Variants in SGTA observed in about 807,000 individuals in gnomAD.
The protein encoded by SGTA is small glutamine rich tetratricopeptide repeat co-chaperone alpha, also known as small glutamine-rich tetratricopeptide repeat-containing protein alpha.
SGTA carries 22 observed loss-of-function variants against 44.3 expected under a neutral mutation model. The ratio of observed to expected loss-of-function variants is 0.50; its 90% CI spans 0.36 to 0.71. The LOEUF is 0.71. SGTA is among the 30% of genes least tolerant of loss of function. The probability of loss-of-function intolerance (pLI) is 0.00; values close to 1 mark genes in which losing one functional copy is unlikely to be tolerated. For missense variants in SGTA, 341 were observed against 435.9 expected (o/e 0.78, Z 1.94); for synonymous variants, 174 against 177.6 (o/e 0.98, Z 0.16).
In SGTA at chr19:2,765,678, T is replaced by C. The variant is rs548761458; in HGVS notation, c.293-393A>G. Among the ~76,000 whole-genome samples, 1 of 152,266 alleles carries C rather than the reference T, an allele frequency of 6.6e-6. No individual in the cohort carries two copies. Among genetic ancestry groups the C allele is most frequent in the Admixed American group, 6.5e-5 (1 of 15,300 alleles). On this transcript the variant is annotated intron_variant, in intron 4 of 11. Coordinates refer to ENST00000221566, the MANE Select transcript of SGTA (RefSeq NM_003021.4). This position sits in a 1 kb window ranked among gnomAD's most constrained non-coding sequence, Gnocchi z 5.5. ...AAAGAGCCCAAGTGGAGGCCTGTAT[T>C]TTGGAATACTCATGTGATACCTTCT...
At chr19:2,762,998 C>A (rs1293401046) in intron 6 of SGTA, among the ~76,000 whole-genome samples, 1 of 152,174 alleles carries the variant, frequency 6.6e-6, no homozygotes, top group Non-Finnish European at 1.5e-5. Flanking sequence ...CACCAAGGAC[C>A]CTCGGAACCT....
intron 5 of SGTA, among the ~76,000 whole-genome samples, chr19:2,764,606 C>T (rs1041884736): frequency 2.6e-5 from 4 of 151,298 alleles, no homozygotes; most frequent in African/African-American, 7.3e-5. Flanking sequence ...ACAGAGTCTC[C>T]CTGTCACCCA....
Position 2,768,991 on chromosome 19 carries a change from G to A in SGTA, c.78C>T (p.Ser26=), listed in dbSNP as rs569712635. The change falls in exon 2 of 12, where the codon TCC becomes TCT. Residue 26 remains serine (S), a synonymous_variant. Coordinates refer to ENST00000221566, the MANE Select transcript of SGTA (RefSeq NM_003021.4). ...TACCTTCCAAGCTCTCCTGAGCATCGGACGAGAGGCCCCCGTGCCGGAGCT... is the reference window on the plus strand; with the variant it reads ...TACCTTCCAAGCTCTCCTGAGCATCAGACGAGAGGCCCCCGTGCCGGAGCT... ...HDQLRHGGLS[S]DAQESLEVAI... is the part of the protein sequence containing the mutation. 2.5e-5 allele frequency: 40 copies of A among 1,613,738 alleles called. No individual in the cohort carries two copies. In the East Asian group the frequency reaches 2.9e-4, roughly 12 times the overall value.
intron 1 of SGTA, among the ~76,000 whole-genome samples, chr19:2,778,502 C>CA (rs1388123888): frequency 6.6e-6 from 1 of 151,988 alleles, no homozygotes; most frequent in Non-Finnish European, 1.5e-5. Context: ...ACACCGCCCC[C>CA]CCCGGCCCCC....
chr19:2,781,901 G>A (rs182166017), intron 1 of SGTA, among the ~76,000 whole-genome samples: 128 of 151,456 alleles, frequency 8.5e-4, no homozygotes, highest in Middle Eastern at 3.4e-3. Flanking sequence ...GAGTGCAGTG[G>A]CATGATGTTG....
At position 2,767,803 on chromosome 19, in the gene SGTA, C is replaced by T; in HGVS notation, c.101-117G>A. 1 of 766,798 alleles carries T rather than the reference C, an allele frequency of 1.3e-6. No homozygotes were observed. Among genetic ancestry groups the T allele is most frequent in the Admixed American group, 2.1e-5 (1 of 48,066 alleles). The allele number at this position is 766,798 out of a possible 1,614,324, so 47.5% of individuals were successfully genotyped here. ...CCCAGGTGTGTTCATTCCCAAGGACCCCAGAACGCAGGGGCCGCCGCCTGT... is the reference window on the plus strand; with the variant it reads ...CCCAGGTGTGTTCATTCCCAAGGACTCCAGAACGCAGGGGCCGCCGCCTGT... On this transcript the variant is annotated intron_variant, in intron 2 of 11. Transcript: ENST00000221566. This position sits in a 1 kb window ranked among gnomAD's most constrained non-coding sequence, Gnocchi z 7.3.
In SGTA at chr19:2,767,985, G is replaced by C. The variant is rs1028838678; in HGVS notation, c.101-299C>G. On this transcript the variant is annotated intron_variant, in intron 2 of 11. Transcript: ENST00000221566. The surrounding 1 kb of genome is among the most constrained non-coding windows in gnomAD (Gnocchi z 7.3). ...GTCCCAATGCTGGGGCTGCCCGGCT[G>C]CGGCGTGGTGGGGGCTTGGCCCCAC... is the stretch of plus-strand genomic sequence containing the variant. Among the ~76,000 whole-genome samples the C allele has an allele frequency of 1.3e-5, 2 of 152,194 alleles. No homozygotes were observed. Among genetic ancestry groups the C allele is most frequent in the East Asian group, 3.9e-4 (2 of 5,186 alleles).
In SGTA at chr19:2,763,638, T is replaced by G. The variant is rs1599499600; in HGVS notation, c.497+15A>C. ...CCGAGAGACTGGAAAGGCGCGGCCGTGGACAGGCACTCACCCCATCCTGCC... is the reference window on the plus strand; with the variant it reads ...CCGAGAGACTGGAAAGGCGCGGCCGGGGACAGGCACTCACCCCATCCTGCC... On this transcript the variant is annotated intron_variant, in intron 6 of 11. Transcript: ENST00000221566. The surrounding 1 kb of genome is among the most constrained non-coding windows in gnomAD (Gnocchi z 5.8). 6.3e-7 allele frequency: 1 copy of G among 1,587,162 alleles called. No individual in the cohort carries two copies. The highest frequency in any genetic ancestry group is 8.6e-7 in the Non-Finnish European group (1 of 1,157,816).
rs901048786 is a variant in SGTA at position 2,763,235 on chromosome 19, G to A, written c.497+418C>T. Among the ~76,000 whole-genome samples the A allele has an allele frequency of 1.3e-5, 2 of 152,202 alleles. No individual in the cohort carries two copies. The highest frequency in any genetic ancestry group is 4.8e-5 in the African/African-American group (2 of 41,452). On this transcript the variant is annotated intron_variant, in intron 6 of 11. Transcript: ENST00000221566. This position sits in a 1 kb window ranked among gnomAD's most constrained non-coding sequence, Gnocchi z 5.8. Reference sequence around the variant, plus strand: ...AGCAGGCGAATGCACGCTTATGCTGGGAGGGCGGCACCGGCTGCACGGGGC... The same window carrying A: ...AGCAGGCGAATGCACGCTTATGCTGAGAGGGCGGCACCGGCTGCACGGGGC...
intron 4 of SGTA, among the ~76,000 whole-genome samples, chr19:2,766,356 T>C (rs907884358): frequency 2.0e-5 from 3 of 152,238 alleles, no homozygotes; most frequent in Non-Finnish European, 2.9e-5. Flanking sequence ...ACCGTGTAGA[T>C]GGGCCATGCT....
chr19:2,772,937 C>T (rs574619325), intron 1 of SGTA, among the ~76,000 whole-genome samples: 4 of 72,492 alleles, frequency 5.5e-5, no homozygotes, highest in African/African-American at 1.3e-4. Flanking sequence ...AGGTGGGTGA[C>T]GCGGCCACAC....
chr19:2,755,081 G>C lies in SGTA; in HGVS notation c.*859C>G, dbSNP rs992717674. Reference sequence around the variant, plus strand: ...CCTCCACCCAGCACAGGAGGGGTAAGCTTCCCTGGGGGGCCCCGGGCCCAT... The same window carrying C: ...CCTCCACCCAGCACAGGAGGGGTAACCTTCCCTGGGGGGCCCCGGGCCCAT... On this transcript the variant is annotated 3_prime_UTR_variant, in exon 12 of 12. Transcript: ENST00000221566. This position sits in a 1 kb window ranked among gnomAD's most constrained non-coding sequence, Gnocchi z 5.2. The C allele has an allele frequency of 2.0e-5, 3 of 152,368 alleles. No homozygotes were observed. The highest frequency in any genetic ancestry group is 1.3e-4 in the Admixed American group (2 of 15,294). The allele number at this position is 152,368 out of a possible 1,614,324, so 9.4% of individuals were successfully genotyped here.
intron 1 of SGTA, among the ~76,000 whole-genome samples, chr19:2,775,141 C>T (rs1378060497): frequency 3.3e-5 from 5 of 152,342 alleles, no homozygotes; most frequent in East Asian, 3.9e-4. Context: ...ATGACCTCGG[C>T]GCAGTGACCT....
rs191378260 is a variant in SGTA at position 2,765,309 on chromosome 19, G to A, written c.293-24C>T. The A allele has an allele frequency of 4.0e-5, 63 of 1,566,660 alleles. No individual in the cohort carries two copies. The highest frequency in any genetic ancestry group is 2.7e-4 in the East Asian group (12 of 44,514). On this transcript the variant is annotated intron_variant, in intron 4 of 11. Coordinates refer to ENST00000221566, the MANE Select transcript of SGTA (RefSeq NM_003021.4). This position sits in a 1 kb window ranked among gnomAD's most constrained non-coding sequence, Gnocchi z 5.5. Reference sequence around the variant, plus strand: ...TCCTACAGGGAGAGAGGAAAACACCGGCCCGGTGTCCACACAGACCGGAGG... The same window carrying A: ...TCCTACAGGGAGAGAGGAAAACACCAGCCCGGTGTCCACACAGACCGGAGG...
intron 1 of SGTA, among the ~76,000 whole-genome samples, chr19:2,773,298 A>G (rs568617592): frequency 1.9e-3 from 30 of 15,686 alleles, no homozygotes; most frequent in African/African-American, 2.4e-3. Context: ...GAGGGCAGAG[A>G]TGGGTGACGC....
intron 9 of SGTA, among the ~76,000 whole-genome samples, chr19:2,758,364 A>G (rs1040175092): frequency 6.6e-6 from 1 of 152,128 alleles, no homozygotes; most frequent in African/African-American, 2.4e-5. Context: ...CCCCATCTCT[A>G]CTAAAAATGC....
At chr19:2,769,247 A>G (rs994481842) in intron 1 of SGTA, among the ~76,000 whole-genome samples, 156 bp from the exon 2 acceptor site, 2 of 152,226 alleles carry the variant, frequency 1.3e-5, no homozygotes, top group Admixed American at 6.5e-5. Flanking sequence ...CGCCCATTTC[A>G]CAGATGATGA....
intron 1 of SGTA, among the ~76,000 whole-genome samples, chr19:2,778,378 A>G (rs150690272): frequency 2.0e-5 from 3 of 152,226 alleles, no homozygotes; most frequent in East Asian, 3.9e-4. Context: ...TAGGGACCCA[A>G]TGAGGGTTCA....
In SGTA at chr19:2,770,898, G is replaced by T. The variant is rs539825519; in HGVS notation, c.-23-1807C>A. ...TCTCAGACTTCTGGCCTCCAGAACT[G>T]CGAGGGAAATCAATCTTGGTTGTTT... On this transcript the variant is annotated intron_variant, in intron 1 of 11. Coordinates refer to ENST00000221566, the MANE Select transcript of SGTA (RefSeq NM_003021.4). 21 of 153,336 alleles carry T rather than the reference G, an allele frequency of 1.4e-4. No individual in the cohort carries two copies. In the South Asian group the frequency reaches 2.5e-3, roughly 18 times the overall value. 9.5% of individuals were successfully genotyped at this position (153,336 alleles called of 1,614,324 possible).
Sources: gnomAD v4.1 joint callset for allele counts (sites outside exome capture counted in the v4.1 genomes callset) on GRCh38, gnomAD v4.1.1 for gene constraint, Gnocchi (gnomAD v3.1) non-coding constraint, MANE v1.5 for transcripts, NCBI Gene and HGNC (gene_info 2026-07-23, HGNC 2026-07-21) for gene names.